EIF3E: variants seen among roughly 807,000 people sequenced by gnomAD.
The protein encoded by EIF3E is eIF-3 p48.
In EIF3E, 25 loss-of-function variants were observed where a neutral mutation model predicts 59.3. The ratio of observed to expected loss-of-function variants is 0.42; its 90% CI spans 0.31 to 0.59. EIF3E has a LOEUF of 0.59. EIF3E is among the 20% of genes least tolerant of loss of function. The pLI is 0.15. For missense variants in EIF3E, 317 were observed against 534.3 expected (o/e 0.59, Z 4.01); for synonymous variants, 176 against 170.2 (o/e 1.03, Z -0.26).
At chr8:108,206,301 G>C (rs1228011868) in intron 10 of EIF3E, among the ~76,000 whole-genome samples, 1 of 151,274 alleles carries the variant, frequency 6.6e-6, no homozygotes, top group Non-Finnish European at 1.5e-5. Context: ...TTCCAGCATG[G>C]GCAACAAAGT....
chr8:108,209,082 T>C (rs1815159299), intron 10 of EIF3E, among the ~76,000 whole-genome samples: 1 of 139,122 alleles, frequency 7.2e-6, no homozygotes, highest in Non-Finnish European at 1.6e-5. Flanking sequence ...TAACAGAGAA[T>C]GTTCCAAATT....
rs1162994564 is a variant in EIF3E at position 108,228,325 on chromosome 8, A to T, written c.664T>A (p.Phe222Ile). ...TCGCGACCTTTGGGGTGATTGAAGA[A>T]AACAAACAGAGACCAGTGAATGAGC... Reference protein sequence around the residue: ...TWLIHWSLFVFFNHPKGRDNI... With the variant: ...TWLIHWSLFVIFNHPKGRDNI... The change falls in exon 7 of 13, where the codon TTC becomes ATC. Residue 222 changes from phenylalanine (F) to isoleucine (I), a missense_variant. Phe to Ile is a conservative substitution (Grantham distance 21, BLOSUM62 0). Around this residue, in one of 4 missense-constraint regions of EIF3E, gnomAD observed 242 missense variants for 398.0 expected, o/e 0.61. Coordinates refer to ENST00000220849, the MANE Select transcript of EIF3E (RefSeq NM_001568.3). 6.2e-7 allele frequency: 1 copy of T among 1,609,392 alleles called. No individual in the cohort carries two copies. The highest frequency in any genetic ancestry group is 1.3e-5 in the African/African-American group (1 of 74,688).
At chr8:108,206,609 C>G (rs1353102901) in intron 10 of EIF3E, among the ~76,000 whole-genome samples, 1 of 147,134 alleles carries the variant, frequency 6.8e-6, no homozygotes, top group Non-Finnish European at 1.5e-5. Context: ...CACACACACA[C>G]ACACACACTG....
At chr8:108,225,862 TCTCA>T (rs2129888466) in intron 7 of EIF3E, among the ~76,000 whole-genome samples, 1 of 146,832 alleles carries the variant, frequency 6.8e-6, no homozygotes, top group African/African-American at 2.7e-5. Context: ...ATGTCACTCT[TCTCA>T]CTAATTTTGT....
chr8:108,207,944 AT>A lies in EIF3E; in HGVS notation c.1062-4442del, dbSNP rs1471811387. On this transcript the variant is annotated intron_variant, in intron 10 of 12. Transcript: ENST00000220849. ...GGACACAAGATAAATTTAAGTCTTG[AT>A]TTAGGGAAATATTTTTTTGTTTCCA... Among the ~76,000 whole-genome samples, 3 of 152,100 alleles carry A rather than the reference AT, an allele frequency of 2.0e-5. No individual in the cohort carries two copies. In the East Asian group the frequency reaches 5.8e-4, roughly 29 times the overall value.
intron 10 of EIF3E, among the ~76,000 whole-genome samples, chr8:108,212,666 G>A (rs1171973835): frequency 6.6e-6 from 1 of 152,134 alleles, no homozygotes; most frequent in Non-Finnish European, 1.5e-5. Context: ...GCTGGGCGTG[G>A]TGGCACATGC....
At chr8:108,231,590 T>C (rs1815621505) in intron 5 of EIF3E, among the ~76,000 whole-genome samples, 1 of 152,112 alleles carries the variant, frequency 6.6e-6, no homozygotes, top group South Asian at 2.1e-4. Context: ...AAATCACTTT[T>C]ATTTCAAAGA....
At chr8:108,202,217 A>G (rs1378050786) in intron 12 of EIF3E, among the ~76,000 whole-genome samples, 1 of 152,132 alleles carries the variant, frequency 6.6e-6, no homozygotes, top group South Asian at 2.1e-4. Flanking sequence ...AGAAAAAAAC[A>G]TCATATGAAA....
chr8:108,221,382 A>G (rs1442572105), intron 7 of EIF3E: 1 of 152,170 alleles, frequency 6.6e-6, no homozygotes, highest in Non-Finnish European at 1.5e-5. Flanking sequence ...TCCATTTCTA[A>G]AGGTTATAAT....
intron 10 of EIF3E, among the ~76,000 whole-genome samples, chr8:108,205,539 T>C (rs539277887): frequency 4.3e-4 from 65 of 152,292 alleles, no homozygotes; most frequent in Non-Finnish European, 4.3e-4. Flanking sequence ...TTATCAGCAG[T>C]CAATCCCAGT....
chr8:108,221,885 A>C (rs565266522), intron 7 of EIF3E, among the ~76,000 whole-genome samples: 1 of 152,148 alleles, frequency 6.6e-6, no homozygotes, highest in South Asian at 2.1e-4. Flanking sequence ...TGTCATTTTC[A>C]CATCACAAAA....
intron 1 of EIF3E, among the ~76,000 whole-genome samples, chr8:108,245,780 A>G (rs527969876): frequency 6.6e-6 from 1 of 152,302 alleles, no homozygotes; most frequent in Admixed American, 6.5e-5. Context: ...ACAATCATAA[A>G]AAGCCTTTAT....
At chr8:108,229,979 A>C (rs1048265884) in intron 5 of EIF3E, among the ~76,000 whole-genome samples, 1 of 152,092 alleles carries the variant, frequency 6.6e-6, no homozygotes, top group Non-Finnish European at 1.5e-5. Context: ...ATCCATAATG[A>C]CCAGGCTAAT....
At chr8:108,239,857 A>G in intron 3 of EIF3E, 101 bp downstream of exon 3, 1 of 928,656 alleles carries the variant, frequency 1.1e-6, no homozygotes, top group East Asian at 2.4e-5. Context: ...ACTCATTTAA[A>G]CCATGAACTT....
intron 7 of EIF3E, among the ~76,000 whole-genome samples, chr8:108,217,851 C>T (rs1350802713): frequency 6.6e-6 from 1 of 152,078 alleles, no homozygotes; most frequent in East Asian, 1.9e-4. Context: ...AGCACTCATA[C>T]TAATGAGAAA....
At chr8:108,232,483 T>A (rs964757138) in intron 5 of EIF3E, among the ~76,000 whole-genome samples, 1 of 152,116 alleles carries the variant, frequency 6.6e-6, no homozygotes, top group African/African-American at 2.4e-5. Context: ...AACCCTCAAA[T>A]TTTTTTAAGA....
At position 108,204,768 on chromosome 8, in the gene EIF3E, GAGAGAGAGAGAGAC is replaced by G. The variant is rs1384249469; in HGVS notation, c.1062-1279_1062-1266del. On this transcript the variant is annotated intron_variant, in intron 10 of 12. Coordinates refer to ENST00000220849, the MANE Select transcript of EIF3E (RefSeq NM_001568.3). Reference sequence around the variant, plus strand: ...ATATAGAGAGAGAGAGAGAGAGAGAGAGAGAGAGAGAGACAGAGAGAGAGAGAGAGAGAGACTGA... The same window carrying G: ...ATATAGAGAGAGAGAGAGAGAGAGAGAGAGAGAGAGAGAGAGAGAGACTGA... 4.0e-3 allele frequency among the ~76,000 whole-genome samples: 501 copies of G among 126,770 alleles called. 1 individual carries two copies. Among genetic ancestry groups the G allele is most frequent in the Admixed American group, 5.1e-3 (66 of 13,004 alleles). The allele number at this position is 126,770 out of a possible 152,430, so 83.2% of individuals were successfully genotyped here. A position where few individuals can be genotyped will look rare whatever the true frequency, so the allele number is the denominator to read the frequency against.
intron 10 of EIF3E, among the ~76,000 whole-genome samples, 178 bp from the exon 11 acceptor site, chr8:108,203,681 T>C (rs617285): frequency 0.19 from 28,294 of 152,032 alleles, 2,900 homozygotes; most frequent in Middle Eastern, 0.23. Context: ...TATTGACTTG[T>C]ACTATGCACG....
chr8:108,245,809 G>A (rs1455809765), intron 1 of EIF3E, among the ~76,000 whole-genome samples: 1 of 152,176 alleles, frequency 6.6e-6, no homozygotes, highest in Admixed American at 6.5e-5. Flanking sequence ...CATATTATGT[G>A]CTGAGAGCAC....
Sources: gnomAD v4.1 joint callset for allele counts (sites outside exome capture counted in the v4.1 genomes callset) on GRCh38, gnomAD v4.1.1 for gene constraint, gnomAD v4.1.1 regional missense constraint, MANE v1.5 for transcripts, NCBI Gene and HGNC (gene_info 2026-07-23, HGNC 2026-07-21) for gene names.